The following PLD1 variants were observed in gnomAD, a reference collection of about 807,000 sequenced individuals.
PLD1 encodes phospholipase D1.
A neutral mutation model predicts 137.1 loss-of-function variants in PLD1; 112 were observed. The ratio of observed to expected loss-of-function variants is 0.82; its 90% CI spans 0.70 to 0.96. The LOEUF (loss-of-function observed/expected upper bound fraction) is 0.96, where lower values mean the gene tolerates loss of function less well. Ranked by LOEUF, PLD1 falls within the 40% of genes least tolerant of loss-of-function variation. The pLI, the probability that PLD1 is intolerant of heterozygous loss-of-function variation, is 0.00. For synonymous variants in PLD1, 431 were observed against 454.7 expected (o/e 0.95, Z 0.66); for missense variants, 1,321 against 1,342.0 (o/e 0.98, Z 0.24).
Position 171,677,615 on chromosome 3 carries a change from G to A in PLD1, c.1947C>T (p.Tyr649=). The A allele has an allele frequency of 6.2e-7, 1 of 1,613,950 alleles. No individual in the cohort carries two copies. The highest frequency in any genetic ancestry group is 8.5e-7 in the Non-Finnish European group (1 of 1,179,812). The stretch of plus-strand genomic sequence containing the variant: ...CCCAGTCTTTGAAGACGAAATTGCA[G>A]TAGTCCTTTCCATGCCAGAATCTGG... ...GETRFWHGKD[Y]CNFVFKDWVQ... The change falls in exon 17 of 27, where the codon TAC becomes TAT. Residue 649 remains tyrosine, a synonymous_variant. Transcript: ENST00000351298.
At chr3:171,689,488 C>CTCCTTCCTTCCTTCCT (rs200165498) in intron 13 of PLD1, among the ~76,000 whole-genome samples, 6 of 149,620 alleles carry the variant, frequency 4.0e-5, no homozygotes, top group African/African-American at 1.5e-4. Flanking sequence ...CCTTCCTTCC[C>CTCCTTCCTTCCTTCCT]TCCTTCCTTC....
intron 1 of PLD1, among the ~76,000 whole-genome samples, chr3:171,746,870 C>T (rs538535492): frequency 6.6e-6 from 1 of 152,274 alleles, no homozygotes; most frequent in East Asian, 1.9e-4. Context: ...CAGCTGGGGC[C>T]CCCTTCAATA....
At position 171,737,543 on chromosome 3, in the gene PLD1, A is replaced by G; in HGVS notation, c.277T>C (p.Ser93Pro). Reference protein sequence around the residue: ...AQVLEVERFTSTTRVPSINLY... With the variant: ...AQVLEVERFTPTTRVPSINLY... ...ATAAACGCTCTGACCCTTGTTGTAG[A>G]TGTGAAGCGTTCCACTTCCAGAACT... Residue 93 changes from serine to proline, a missense_variant, in exon 3 of 27, where the codon TCT becomes CCT. By Grantham distance (74) the Ser-to-Pro change is moderately conservative. Transcript: ENST00000351298. The G allele has an allele frequency of 6.2e-7, 1 of 1,610,540 alleles. No homozygotes were observed. The highest frequency in any genetic ancestry group is 8.5e-7 in the Non-Finnish European group (1 of 1,179,174).
intron 6 of PLD1, among the ~76,000 whole-genome samples, chr3:171,732,155 G>A (rs543525783): frequency 3.9e-4 from 60 of 152,098 alleles, no homozygotes; most frequent in Non-Finnish European, 7.5e-4. Context: ...ATAGCATGTC[G>A]GATTTCAGAC....
At chr3:171,792,374 T>C (rs941067121) in intron 1 of PLD1, 6 of 353,540 alleles carry the variant, frequency 1.7e-5, no homozygotes, top group Non-Finnish European at 3.4e-5. Flanking sequence ...TTATTTCATA[T>C]ACTAAGAGTA....
intron 1 of PLD1, among the ~76,000 whole-genome samples, chr3:171,760,774 G>C (rs1205786158): frequency 3.9e-5 from 6 of 152,178 alleles, no homozygotes; most frequent in African/African-American, 1.4e-4. Context: ...CTCCAAGAGA[G>C]AATCACATGC....
At chr3:171,758,394 G>T (rs1373239774) in intron 1 of PLD1, among the ~76,000 whole-genome samples, 1 of 152,168 alleles carries the variant, frequency 6.6e-6, no homozygotes, top group Non-Finnish European at 1.5e-5. Context: ...ATGAACAAAT[G>T]TTGCTCCTCC....
chr3:171,665,466 G>A (rs564628920), intron 19 of PLD1, among the ~76,000 whole-genome samples: 28 of 152,264 alleles, frequency 1.8e-4, no homozygotes, highest in Non-Finnish European at 4.0e-4. Context: ...TTCGGAGGCC[G>A]AGGTGGGCAG....
At chr3:171,794,210 C>G (rs1282024297) in intron 1 of PLD1, among the ~76,000 whole-genome samples, 1 of 151,786 alleles carries the variant, frequency 6.6e-6, no homozygotes, top group South Asian at 2.1e-4. Flanking sequence ...AGAGAGATCA[C>G]ATTCACATAA....
At chr3:171,649,981 A>C (rs1736586050) in intron 21 of PLD1, among the ~76,000 whole-genome samples, 1 of 152,174 alleles carries the variant, frequency 6.6e-6, no homozygotes, top group East Asian at 1.9e-4. Context: ...AGAGAATAAA[A>C]ATGTGGCAGG....
chr3:171,644,069 C>G, intron 22 of PLD1, among the ~76,000 whole-genome samples: 1 of 152,204 alleles, frequency 6.6e-6, no homozygotes, highest in Non-Finnish European at 1.5e-5. Flanking sequence ...GACCAAGGCC[C>G]TGACCCCTAA....
intron 19 of PLD1, among the ~76,000 whole-genome samples, chr3:171,669,685 G>C (rs1045695583): frequency 3.3e-5 from 5 of 152,258 alleles, no homozygotes; most frequent in Non-Finnish European, 7.3e-5. Flanking sequence ...ACAGGCCTGA[G>C]CCACTGCGCC....
rs200121582 is a variant in PLD1 at position 171,699,801 on chromosome 3, G to A, written c.1171C>T (p.Arg391Cys). ...CAACGATTTCCCTCAACCACTGGGC[G>A]TTTCAGGAAGATTTCTGGACTCAGC... The part of the protein sequence containing the change: ...WWLSPEIFLK[R>C]PVVEGNRWRL... Residue 391 changes from arginine to cysteine, a missense_variant, in exon 12 of 27, where the codon CGC (arginine) becomes TGC (cysteine). By Grantham distance (180) the Arg-to-Cys change is radical. Coordinates refer to ENST00000351298, the MANE Select transcript of PLD1 (RefSeq NM_002662.5). 5.6e-5 allele frequency: 91 copies of A among 1,613,642 alleles called. No homozygotes were observed. The highest frequency in any genetic ancestry group is 1.8e-4 in the East Asian group (8 of 44,882).
chr3:171,639,373 G>T (rs1735445819), intron 23 of PLD1, among the ~76,000 whole-genome samples: 1 of 121,536 alleles, frequency 8.2e-6, no homozygotes. Context: ...TTATATAGAT[G>T]GATATATAAA....
At chr3:171,674,972 T>C (rs1713189713) in intron 18 of PLD1, among the ~76,000 whole-genome samples, 1 of 88,762 alleles carries the variant, frequency 1.1e-5, no homozygotes. Context: ...AGAGTGAATC[T>C]CCATCTCAAA....
intron 25 of PLD1, among the ~76,000 whole-genome samples, chr3:171,609,471 A>C (rs2108263365): frequency 6.6e-6 from 1 of 151,506 alleles, no homozygotes; most frequent in Admixed American, 6.6e-5. Flanking sequence ...TGTTGGAATC[A>C]ACCTAAATGT....
intron 1 of PLD1, among the ~76,000 whole-genome samples, chr3:171,801,428 T>C (rs933199939): frequency 1.3e-5 from 2 of 152,090 alleles, no homozygotes; most frequent in African/African-American, 4.8e-5. Context: ...CCTTTCTTTT[T>C]GTTTCTTGTT....
intron 21 of PLD1, among the ~76,000 whole-genome samples, chr3:171,652,695 A>G (rs1736883157): frequency 6.7e-6 from 1 of 148,962 alleles, no homozygotes; most frequent in Admixed American, 6.7e-5. Context: ...TTCACCTCCC[A>G]GGCTAAGAGA....
At chr3:171,609,522 ACACACAC>A in intron 25 of PLD1, among the ~76,000 whole-genome samples, 1 of 141,512 alleles carries the variant, frequency 7.1e-6, no homozygotes, top group African/African-American at 2.9e-5. Flanking sequence ...ACACACACAC[ACACACAC>A]ACACACACAC....
Sources: gnomAD v4.1 joint callset for allele counts (sites outside exome capture counted in the v4.1 genomes callset) on GRCh38, gnomAD v4.1.1 for gene constraint, MANE v1.5 for transcripts, NCBI Gene and HGNC (gene_info 2026-07-23, HGNC 2026-07-21) for gene names.